ATP10D: variants seen among roughly 807,000 people sequenced by gnomAD.
The protein encoded by ATP10D is ATPase phospholipid transporting 10D (putative), also known as phospholipid-transporting ATPase VD.
Under a neutral mutation model 144.8 loss-of-function variants are expected in ATP10D, and 89 were observed. The ratio of observed to expected loss-of-function variants is 0.61; its 90% CI spans 0.52 to 0.73. The LOEUF (loss-of-function observed/expected upper bound fraction) is 0.73, where lower values mean the gene tolerates loss of function less well. Among genes scored for constraint, ATP10D ranks in the 30% least tolerant of loss-of-function variants. The pLI, the probability that ATP10D is intolerant of heterozygous loss-of-function variation, is 0.00. For synonymous variants in ATP10D, 571 were observed against 615.1 expected, an observed-to-expected ratio of 0.93 and a Z score of 1.06; for missense variants, 1,603 against 1,714.8, an observed-to-expected ratio of 0.93 and a Z score of 1.15.
intron 21 of ATP10D, among the ~76,000 whole-genome samples, chr4:47,583,737 A>G (rs1284027395): frequency 1.3e-5 from 2 of 152,058 alleles, no homozygotes; most frequent in African/African-American, 2.4e-5. Context: ...ATTATGAGCA[A>G]TATCATCTGA....
At chr4:47,588,458 C>A (rs1378972355) in intron 22 of ATP10D, among the ~76,000 whole-genome samples, 2 of 152,160 alleles carry the variant, frequency 1.3e-5, no homozygotes, top group African/African-American at 4.8e-5. Flanking sequence ...TAGAATATAG[C>A]CATACTCACT....
At position 47,587,099 on chromosome 4, in the gene ATP10D, A is replaced by G. The variant is rs1720824891; in HGVS notation, c.3834A>G (p.Val1278=). 1.2e-6 allele frequency: 2 copies of G among 1,613,900 alleles called. No individual in the cohort carries two copies. Among genetic ancestry groups the G allele is most frequent in the African/African-American group, 1.3e-5 (1 of 74,904 alleles). Reference sequence around the variant, plus strand: ...CCATAGTTTTTGGAGCCATGTGTGTAACTTGCAACCCACCATCCAACCCTT... The same window carrying G: ...CCATAGTTTTTGGAGCCATGTGTGTGACTTGCAACCCACCATCCAACCCTT... ...LFAIVFGAMC[V]TCNPPSNPYW... is the part of the protein sequence containing the mutation. Residue 1278 remains valine (V), a synonymous_variant, in exon 22 of 23, where the codon GTA becomes GTG. Coordinates refer to ENST00000273859, the MANE Select transcript of ATP10D (RefSeq NM_020453.4).
At chr4:47,501,533 T>G (rs1286880817) in intron 1 of ATP10D, among the ~76,000 whole-genome samples, 1 of 152,228 alleles carries the variant, frequency 6.6e-6, no homozygotes, top group Non-Finnish European at 1.5e-5. Flanking sequence ...ACCCTCACAT[T>G]CCTTGATGGG....
In ATP10D at chr4:47,569,050, T is replaced by C; in HGVS notation, c.3067T>C (p.Cys1023Arg). 6.2e-7 allele frequency: 1 copy of C among 1,614,232 alleles called. No individual in the cohort carries two copies. The highest frequency in any genetic ancestry group is 8.5e-7 in the Non-Finnish European group (1 of 1,180,040). ...QKQFLELTSW[C>R]QAVVCCRATP... ...GCAGTTCCTGGAACTGACATCTTGGTGTCAAGCTGTGGTCTGCTGCCGAGC... is the reference window on the plus strand; with the variant it reads ...GCAGTTCCTGGAACTGACATCTTGGCGTCAAGCTGTGGTCTGCTGCCGAGC... The change falls in exon 16 of 23, where the codon TGT becomes CGT. Residue 1023 changes from cysteine (C) to arginine (R), a missense_variant. Coordinates refer to ENST00000273859, the MANE Select transcript of ATP10D (RefSeq NM_020453.4).
chr4:47,558,190 G>T lies in ATP10D; in HGVS notation c.2351G>T (p.Arg784Leu). The T allele has an allele frequency of 6.2e-7, 1 of 1,614,124 alleles. No individual in the cohort carries two copies. The highest frequency in any genetic ancestry group is 8.5e-7 in the Non-Finnish European group (1 of 1,180,036). The change falls in exon 12 of 23, where the codon CGA becomes CTA. Residue 784 changes from arginine (R) to leucine (L), a missense_variant. Arg to Leu is a moderately radical substitution (Grantham distance 102). Transcript: ENST00000273859. ...AGAAAAAGAATGTCTGTTGTGGTCCGACACCCTCTTTCCAATCAAGTTGTG... is the reference window on the plus strand; with the variant it reads ...AGAAAAAGAATGTCTGTTGTGGTCCTACACCCTCTTTCCAATCAAGTTGTG... ...SVRKRMSVVV[R>L]HPLSNQVVVY...
chr4:47,520,900 G>A (rs1237785494), intron 3 of ATP10D, among the ~76,000 whole-genome samples: 1 of 152,064 alleles, frequency 6.6e-6, no homozygotes, highest in Non-Finnish European at 1.5e-5. Flanking sequence ...GATTCACAGA[G>A]ATTACACTTT....
In ATP10D at chr4:47,546,616, TC is replaced by T; in HGVS notation, c.1397-5del. ...AGACATTGACTCAGTGTGCTTTTTA[TC>T]CCACAGCCAGGAGGTTGGAGTCCTA... On this transcript the variant is annotated splice_region_variant and splice_polypyrimidine_tract_variant and intron_variant, in intron 9 of 22. Transcript: ENST00000273859. The T allele has an allele frequency of 6.2e-7, 1 of 1,612,756 alleles. No individual in the cohort carries two copies.
intron 1 of ATP10D, among the ~76,000 whole-genome samples, chr4:47,512,237 T>C (rs994935510): frequency 3.3e-5 from 5 of 152,190 alleles, no homozygotes; most frequent in African/African-American, 1.2e-4. Flanking sequence ...TTGCACAAAT[T>C]AAGCCCAAAT....
rs745800917 is a variant in ATP10D at position 47,558,270 on chromosome 4, C to G, written c.2431C>G (p.Pro811Ala). The G allele has an allele frequency of 6.2e-7, 1 of 1,610,846 alleles. No individual in the cohort carries two copies. Among genetic ancestry groups the G allele is most frequent in the Non-Finnish European group, 8.5e-7 (1 of 1,177,602 alleles). The change falls in exon 12 of 23, where the codon CCA (proline) becomes GCA (alanine). Residue 811 changes from proline to alanine, a missense_variant. Pro to Ala is a conservative substitution (Grantham distance 27, BLOSUM62 -1). Transcript: ENST00000273859. ...VIMELLSVASPDGASLEKQQM... is the reference protein window; with the variant it reads ...VIMELLSVASADGASLEKQQM... The stretch of plus-strand genomic sequence containing the variant: ...CATGGAGTTACTGTCGGTGGCTTCC[C>G]CAGGTAAGTTTATACAAAAGTGAAA...
At position 47,532,210 on chromosome 4, in the gene ATP10D, G is replaced by A. The variant is rs28493467; in HGVS notation, c.777-3299G>A. 2.0e-5 allele frequency among the ~76,000 whole-genome samples: 3 copies of A among 152,046 alleles called. No individual in the cohort carries two copies. In the East Asian group the frequency reaches 5.8e-4, roughly 29 times the overall value. Reference sequence around the variant, plus strand: ...ATGGTTCTTCTTAATAGACACATTCGAGCATCATTTGCTGTGCTGGGCACT... The same window carrying A: ...ATGGTTCTTCTTAATAGACACATTCAAGCATCATTTGCTGTGCTGGGCACT... On this transcript the variant is annotated intron_variant, in intron 5 of 22. Transcript: ENST00000273859.
At chr4:47,516,885 T>G (rs1224845025) in intron 3 of ATP10D, among the ~76,000 whole-genome samples, 2 of 152,186 alleles carry the variant, frequency 1.3e-5, no homozygotes, top group African/African-American at 4.8e-5. Flanking sequence ...ACTAAAACAG[T>G]TCTATTAATA....
chr4:47,512,669 C>T lies in ATP10D; in HGVS notation c.129C>T (p.Thr43=), dbSNP rs140350894. 429 of 1,614,132 alleles carry T rather than the reference C, an allele frequency of 2.7e-4. 1 individual carries two copies. The African/African-American group carries it at 5.1e-3, about 19-fold the overall frequency. Residue 43 remains threonine, a synonymous_variant, in exon 2 of 23, where the codon ACC becomes ACT. Transcript: ENST00000273859. ...LLACGRKSSQ[T]PKLSGRHRIV... ...CCTGTGGGCGCAAGTCCTCTCAGAC[C>T]CCTAAACTGTCAGGAAGGCACCGGA...
intron 1 of ATP10D, among the ~76,000 whole-genome samples, chr4:47,501,892 T>C (rs982544642): frequency 1.3e-5 from 2 of 152,208 alleles, no homozygotes; most frequent in African/African-American, 2.4e-5. Context: ...AAAAATGCTA[T>C]CTTGTCATTT....
chr4:47,549,063 T>C (rs1190623441), intron 10 of ATP10D, among the ~76,000 whole-genome samples: 3 of 152,198 alleles, frequency 2.0e-5, no homozygotes, highest in Non-Finnish European at 2.9e-5. Flanking sequence ...GATGAAGATG[T>C]ACCAGCCTTT....
chr4:47,587,062 A>AT lies in ATP10D; in HGVS notation c.3803dup (p.Leu1268PhefsTer66), dbSNP rs1481532092. On this transcript the variant is annotated frameshift_variant, in exon 22 of 23. Transcript: ENST00000273859. LOFTEE classifies it high-confidence loss of function. ...GTCATCATTGGTAGCATCTTGTCTTATTTTTTATTTGCCATAGTTTTTGGA... is the reference window on the plus strand; with the variant it reads ...GTCATCATTGGTAGCATCTTGTCTTATTTTTTTATTTGCCATAGTTTTTGGA... The AT allele has an allele frequency of 1.9e-6, 3 of 1,613,892 alleles. No homozygotes were observed. The highest frequency in any genetic ancestry group is 3.3e-5 in the Admixed American group (2 of 59,986).
At chr4:47,501,348 G>A (rs1185003502) in intron 1 of ATP10D, among the ~76,000 whole-genome samples, 1 of 152,160 alleles carries the variant, frequency 6.6e-6, no homozygotes, top group Non-Finnish European at 1.5e-5. Context: ...GGCACAGTAA[G>A]CAGTAAAAAT....
chr4:47,498,457 G>T (rs987234666), intron 1 of ATP10D, among the ~76,000 whole-genome samples: 1 of 152,298 alleles, frequency 6.6e-6, no homozygotes, highest in Non-Finnish European at 1.5e-5. Flanking sequence ...TACAACTTAA[G>T]TCATCAGTAG....
At chr4:47,557,211 T>G (rs554293032) in intron 11 of ATP10D, among the ~76,000 whole-genome samples, 2 of 152,152 alleles carry the variant, frequency 1.3e-5, no homozygotes, top group East Asian at 3.9e-4. Context: ...AATACTTAAT[T>G]TGCTTATAAT....
intron 15 of ATP10D, among the ~76,000 whole-genome samples, chr4:47,565,596 T>C (rs1189522556): frequency 1.3e-5 from 2 of 152,160 alleles, no homozygotes; most frequent in African/African-American, 2.4e-5. Flanking sequence ...AATGGGGTTT[T>C]TGTGAGCATT....
Sources: gnomAD v4.1 joint callset for allele counts (sites outside exome capture counted in the v4.1 genomes callset) on GRCh38, gnomAD v4.1.1 for gene constraint, MANE v1.5 for transcripts, NCBI Gene and HGNC (gene_info 2026-07-23, HGNC 2026-07-21) for gene names.